The following ST8SIA1 variants were observed in gnomAD, a reference collection of about 807,000 sequenced individuals.
ST8SIA1 encodes the protein ST8 alpha-N-acetyl-neuraminide alpha-2,8-sialyltransferase 1, also known as alpha-N-acetylneuraminide alpha-2,8-sialyltransferase.
ST8SIA1 carries 16 observed loss-of-function variants against 35.9 expected under a neutral mutation model. The ratio of observed to expected loss-of-function variants is 0.45; its 90% CI spans 0.30 to 0.68. The LOEUF (loss-of-function observed/expected upper bound fraction) is 0.68. ST8SIA1 is among the 30% of genes least tolerant of loss of function. ST8SIA1 has a pLI of 0.09. For missense variants in ST8SIA1, 383 were observed against 453.6 expected, an observed-to-expected ratio of 0.84 and a Z score of 1.41; for synonymous variants, 170 against 169.6, an observed-to-expected ratio of 1.00 and a Z score of -0.02.
chr12:22,293,409 T>C (rs1198552803), intron 1 of ST8SIA1, among the ~76,000 whole-genome samples: 4 of 152,284 alleles, frequency 2.6e-5, no homozygotes, highest in African/African-American at 4.8e-5. Flanking sequence ...TTGTCAATTA[T>C]TGATTTTAAC....
intron 2 of ST8SIA1, among the ~76,000 whole-genome samples, chr12:22,260,633 A>G (rs1339336550): frequency 2.0e-5 from 3 of 152,194 alleles, no homozygotes; most frequent in Non-Finnish European, 4.4e-5. Flanking sequence ...ACTGGAAACA[A>G]GGCATGATAA....
At chr12:22,309,404 T>C (rs1866423689) in intron 1 of ST8SIA1, among the ~76,000 whole-genome samples, 1 of 152,130 alleles carries the variant, frequency 6.6e-6, no homozygotes, top group African/African-American at 2.4e-5. Flanking sequence ...GTAAGGGTCT[T>C]TGTGTCCTCT....
Position 22,235,594 on chromosome 12 carries a change from C to T in ST8SIA1, c.584+13412G>A, listed in dbSNP as rs140875222. Among the ~76,000 whole-genome samples the T allele has an allele frequency of 2.8e-3, 430 of 152,238 alleles. 1 individual carries two copies. The highest frequency in any genetic ancestry group is 4.0e-3 in the Non-Finnish European group (269 of 68,004). On this transcript the variant is annotated intron_variant, in intron 4 of 4. Transcript: ENST00000396037. ...CCATCTTGCTCAAAGAGGCTCTTGG[C>T]ATATATGGAATTGGTAAGATAATTA...
rs73267912 is a variant in ST8SIA1 at position 22,227,963 on chromosome 12, A to C, written c.584+21043T>G. ...AATTCTTCCTTTAGTGATAGAGATA[A>C]AAATTGCACCTCCAGCTGCACTGTT... On this transcript the variant is annotated intron_variant, in intron 4 of 4. Transcript: ENST00000396037. Among the ~76,000 whole-genome samples the C allele has an allele frequency of 2.2e-3, 342 of 152,330 alleles. 2 individuals are homozygous for C. The highest frequency in any genetic ancestry group is 7.3e-3 in the African/African-American group (302 of 41,576).
chr12:22,220,751 T>TCCTCCC lies in ST8SIA1; in HGVS notation c.585-18714_585-18713insGGGAGG, dbSNP rs1193483896. ...TTCCCTCCCAGGATCCTCACGGAAATAGTAGATCCTTATGCTGTCTCCAAT... is the reference window on the plus strand; with the variant it reads ...TTCCCTCCCAGGATCCTCACGGAAATCCTCCCAGTAGATCCTTATGCTGTCTCCAAT... On this transcript the variant is annotated intron_variant, in intron 4 of 4. Transcript: ENST00000396037. Among the ~76,000 whole-genome samples, 34 of 152,266 alleles carry TCCTCCC rather than the reference T, an allele frequency of 2.2e-4. 1 individual carries two copies. The highest frequency in any genetic ancestry group is 7.9e-4 in the African/African-American group (33 of 41,562).
At chr12:22,294,126 G>T (rs1866214715) in intron 1 of ST8SIA1, among the ~76,000 whole-genome samples, 1 of 152,020 alleles carries the variant, frequency 6.6e-6, no homozygotes, top group African/African-American at 2.4e-5. Flanking sequence ...CTGCTCTGAA[G>T]AATTTCAGTG....
chr12:22,327,616 C>A (rs1866698505), intron 1 of ST8SIA1, among the ~76,000 whole-genome samples: 1 of 152,162 alleles, frequency 6.6e-6, no homozygotes, highest in South Asian at 2.1e-4. Context: ...AAGGATGTGG[C>A]CCCTTAAAGT....
rs776345697 is a variant in ST8SIA1 at position 22,255,376 on chromosome 12, T to C, written c.395A>G (p.Gln132Arg). 3.1e-6 allele frequency: 5 copies of C among 1,614,066 alleles called. No individual in the cohort carries two copies. The Admixed American group carries it at 8.3e-5, about 27-fold the overall frequency. The change falls in exon 3 of 5, where the codon CAG becomes CGG. Residue 132 changes from glutamine to arginine, a missense_variant. Gln to Arg is a conservative substitution (Grantham distance 43). Transcript: ENST00000396037. ...YSLFPQATPFQLPLKKCAVVG... is the reference protein window; with the variant it reads ...YSLFPQATPFRLPLKKCAVVG... ...CACCGCGCATTTCTTCAATGGCAGCTGGAATGGGGTTGCCTAGCAACAGAA... is the reference window on the plus strand; with the variant it reads ...CACCGCGCATTTCTTCAATGGCAGCCGGAATGGGGTTGCCTAGCAACAGAA...
intron 1 of ST8SIA1, chr12:22,325,761 TAAC>T (rs1356289882): frequency 3.1e-6 from 2 of 653,714 alleles, no homozygotes; most frequent in Middle Eastern, 3.7e-4. Context: ...TGAACAATAA[TAAC>T]TAATAATAAA....
At chr12:22,256,002 G>C (rs1182428955) in intron 2 of ST8SIA1, among the ~76,000 whole-genome samples, 1 of 152,200 alleles carries the variant, frequency 6.6e-6, no homozygotes, top group Non-Finnish European at 1.5e-5. Flanking sequence ...GAATGCTATG[G>C]GGCAATCCAC....
intron 2 of ST8SIA1, among the ~76,000 whole-genome samples, chr12:22,261,460 A>C (rs2135800465): frequency 6.6e-6 from 1 of 152,286 alleles, no homozygotes; most frequent in East Asian, 1.9e-4. Flanking sequence ...ACTTCTATCA[A>C]GCCATGAGTT....
chr12:22,265,009 T>A (rs1482258075), intron 2 of ST8SIA1, among the ~76,000 whole-genome samples: 1 of 152,272 alleles, frequency 6.6e-6, no homozygotes, highest in Non-Finnish European at 1.5e-5. Flanking sequence ...GTGTTTTGTA[T>A]GTTTCACATA....
chr12:22,301,013 A>G (rs184266422), intron 1 of ST8SIA1, among the ~76,000 whole-genome samples: 111 of 152,248 alleles, frequency 7.3e-4, no homozygotes, highest in Middle Eastern at 3.4e-3. Flanking sequence ...TATCATTCTG[A>G]TATGACTTAG....
chr12:22,292,848 G>A (rs967954397), intron 1 of ST8SIA1, among the ~76,000 whole-genome samples: 19 of 151,918 alleles, frequency 1.3e-4, no homozygotes, highest in Non-Finnish European at 2.5e-4. Flanking sequence ...CCTCAGCATC[G>A]CACAATATAT....
At chr12:22,261,883 G>A (rs969770083) in intron 2 of ST8SIA1, among the ~76,000 whole-genome samples, 2 of 152,112 alleles carry the variant, frequency 1.3e-5, no homozygotes, top group Non-Finnish European at 2.9e-5. Flanking sequence ...TATGGGCCAG[G>A]AGCTGTTATG....
At chr12:22,306,964 C>T (rs1866391643) in intron 1 of ST8SIA1, among the ~76,000 whole-genome samples, 1 of 152,006 alleles carries the variant, frequency 6.6e-6, no homozygotes, top group African/African-American at 2.4e-5. Flanking sequence ...AAAAGTCTTT[C>T]TTGGCTTCAA....
At chr12:22,229,796 A>G (rs1865397226) in intron 4 of ST8SIA1, among the ~76,000 whole-genome samples, 1 of 152,174 alleles carries the variant, frequency 6.6e-6, no homozygotes, top group African/African-American at 2.4e-5. Context: ...GGAGTTGGCC[A>G]GTAGACACAT....
intron 1 of ST8SIA1, among the ~76,000 whole-genome samples, chr12:22,290,641 T>A (rs1866162962): frequency 6.6e-6 from 1 of 152,148 alleles, no homozygotes; most frequent in Non-Finnish European, 1.5e-5. Context: ...GGACATTAAG[T>A]CATATCCAGG....
intron 4 of ST8SIA1, among the ~76,000 whole-genome samples, chr12:22,210,556 C>A (rs994038899): frequency 9.2e-5 from 14 of 152,160 alleles, no homozygotes; most frequent in African/African-American, 3.4e-4. Flanking sequence ...TAGCGTCAGA[C>A]CCCACAAGAC....
Sources: allele counts gnomAD v4.1 joint callset (sites outside exome capture counted in the v4.1 genomes callset), GRCh38; gene constraint gnomAD v4.1.1; transcripts MANE v1.5; gene names NCBI Gene and HGNC (gene_info 2026-07-23, HGNC 2026-07-21).